The following OGDH variants were observed in gnomAD, a reference collection of about 807,000 sequenced individuals.
The protein encoded by OGDH is oxoglutarate dehydrogenase.
OGDH carries 38 observed loss-of-function variants against 116.6 expected under a neutral mutation model. The ratio of observed to expected loss-of-function variants is 0.33; its 90% CI spans 0.25 to 0.43. The LOEUF (loss-of-function observed/expected upper bound fraction) is 0.43. OGDH is among the 20% of genes least tolerant of loss of function. The probability of loss-of-function intolerance (pLI) is 1.00; values close to 1 mark genes in which losing one functional copy is unlikely to be tolerated. For missense variants in OGDH, 825 were observed against 1,357.2 expected (o/e 0.61, Z 6.16); for synonymous variants, 488 against 533.3 (o/e 0.92, Z 1.17).
intron 4 of OGDH, among the ~76,000 whole-genome samples, chr7:44,655,969 T>A (rs942943123): frequency 7.2e-5 from 11 of 152,218 alleles, no homozygotes; most frequent in South Asian, 4.1e-4. Context: ...AGTAGTGACT[T>A]CCCAGGAAAG....
chr7:44,629,581 T>C lies in OGDH; in HGVS notation c.222+5016T>C, dbSNP rs919986678. On this transcript the variant is annotated intron_variant, in intron 2 of 22. Transcript: ENST00000222673. Reference sequence around the variant, plus strand: ...TTCTTTCCTTTTTCTTTTTCTTTTCTTTTTTTTTTTTTTTTTTGAGACGAG... The same window carrying C: ...TTCTTTCCTTTTTCTTTTTCTTTTCCTTTTTTTTTTTTTTTTTGAGACGAG... Among the ~76,000 whole-genome samples the C allele has an allele frequency of 5.5e-4, 25 of 45,664 alleles. No homozygotes were observed. The South Asian group carries it at 0.014, about 25-fold the overall frequency. 30.0% of individuals were successfully genotyped at this position (45,664 alleles called of 152,430 possible). A position where few individuals can be genotyped will look rare whatever the true frequency, so the allele number is the denominator to read the frequency against.
intron 4 of OGDH, among the ~76,000 whole-genome samples, chr7:44,651,957 G>A (rs972001367): frequency 5.3e-5 from 8 of 152,032 alleles, no homozygotes; most frequent in African/African-American, 1.7e-4. Context: ...ACCTGCCTCC[G>A]CCTCCCAAAG....
intron 4 of OGDH, among the ~76,000 whole-genome samples, chr7:44,653,862 T>A (rs1343273436): frequency 6.6e-6 from 1 of 151,912 alleles, no homozygotes; most frequent in African/African-American, 2.4e-5. Context: ...TATTTTATTT[T>A]ATTTTTTTTT....
At chr7:44,635,329 TAGTA>T (rs1303462237) in intron 2 of OGDH, among the ~76,000 whole-genome samples, 3 of 152,172 alleles carry the variant, frequency 2.0e-5, no homozygotes, top group Non-Finnish European at 4.4e-5. Flanking sequence ...TGTCAGAACT[TAGTA>T]AGTGAGGTTG....
Position 44,698,063 on chromosome 7 carries a change from A to T in OGDH, c.2359-129A>T. 2.8e-6 allele frequency: 3 copies of T among 1,069,840 alleles called. No homozygotes were observed. The South Asian group carries it at 4.3e-5, about 15-fold the overall frequency. The allele number at this position is 1,069,840 out of a possible 1,614,324, so 66.3% of individuals were successfully genotyped here. ...AAGTGCTTTGCTGGTGGGAGGGGGA[A>T]GGAACTGAACCCTGCCATCAAGAAA... On this transcript the variant is annotated intron_variant, in intron 17 of 22. Transcript: ENST00000222673.
intron 1 of OGDH, among the ~76,000 whole-genome samples, chr7:44,618,223 TA>T (rs1784878147): frequency 1.3e-5 from 2 of 152,306 alleles, no homozygotes; most frequent in Non-Finnish European, 2.9e-5. Context: ...TCTTACACAT[TA>T]AAAAAATAAC....
In OGDH at chr7:44,697,059, A is replaced by C. The variant is rs778506387; in HGVS notation, c.2046A>C (p.Thr682=). ...RLSGQDVERG[T]FSHRHHVLHD... is the part of the protein sequence containing the mutation. ...GCGGCCAGGACGTGGAGCGGGGCAC[A>C]TTCAGGTAACGTTCTGGGCAGTTTT... Residue 682 remains threonine, a synonymous_variant, in exon 15 of 23, where the codon ACA becomes ACC. Coordinates refer to ENST00000222673, the MANE Select transcript of OGDH (RefSeq NM_002541.4). The surrounding 1 kb of genome is among the most constrained non-coding windows in gnomAD (Gnocchi z 6.0). 1.2e-6 allele frequency: 2 copies of C among 1,613,628 alleles called. No individual in the cohort carries two copies. Among genetic ancestry groups the C allele is most frequent in the Admixed American group, 3.3e-5 (2 of 59,998 alleles).
intron 2 of OGDH, among the ~76,000 whole-genome samples, chr7:44,631,834 C>T (rs1353353254): frequency 1.3e-5 from 2 of 151,886 alleles, no homozygotes; most frequent in East Asian, 1.9e-4. Context: ...TCTCCACCCC[C>T]TTCCCTCTTT....
intron 9 of OGDH, among the ~76,000 whole-genome samples, chr7:44,681,040 A>G (rs113640148): frequency 1.3e-3 from 203 of 152,362 alleles, no homozygotes; most frequent in African/African-American, 4.2e-3. Context: ...ATTTAGGAGT[A>G]ATCGAAACTG....
Position 44,707,266 on chromosome 7 carries a change from G to C in OGDH, c.2674G>C (p.Ala892Pro), listed in dbSNP as rs758962806. 2 of 1,614,258 alleles carry C rather than the reference G, an allele frequency of 1.2e-6. No individual in the cohort carries two copies. The highest frequency in any genetic ancestry group is 4.5e-5 in the East Asian group (2 of 44,884). Residue 892 changes from alanine (A) to proline (P), a missense_variant, in exon 21 of 23, where the codon GCT becomes CCT. By Grantham distance (27) the Ala-to-Pro change is conservative. This residue lies in a region of OGDH where 212 missense variants were observed against 284.3 expected (regional missense o/e 0.75). Coordinates refer to ENST00000222673, the MANE Select transcript of OGDH (RefSeq NM_002541.4). The surrounding 1 kb of genome is among the most constrained non-coding windows in gnomAD (Gnocchi z 5.2). The stretch of plus-strand genomic sequence containing the variant: ...GGTGATCCCAGAAGATGGCCCTGCA[G>C]CTCAGAACCCAGAAAATGTCAAAAG... ...QRVIPEDGPA[A>P]QNPENVKRLL... is the part of the protein sequence containing the mutation.
chr7:44,628,019 A>T (rs899792234), intron 2 of OGDH, among the ~76,000 whole-genome samples: 2 of 152,186 alleles, frequency 1.3e-5, no homozygotes, highest in Non-Finnish European at 2.9e-5. Flanking sequence ...GTTTCCAAGC[A>T]TACATAACAG....
At chr7:44,674,386 C>G in intron 6 of OGDH, 25 bp from the exon 7 acceptor site, 1 of 1,613,704 alleles carries the variant, frequency 6.2e-7, no homozygotes, top group Non-Finnish European at 8.5e-7. Context: ...CATTGCCCTT[C>G]AAGGTGGCTT....
intron 4 of OGDH, among the ~76,000 whole-genome samples, chr7:44,657,463 G>A (rs1295248118): frequency 6.6e-6 from 1 of 152,160 alleles, no homozygotes; most frequent in East Asian, 1.9e-4. Flanking sequence ...AGTATTCCAT[G>A]GTGTGGATGT....
intron 2 of OGDH, among the ~76,000 whole-genome samples, chr7:44,644,709 T>C (rs564860265): frequency 5.0e-4 from 76 of 152,214 alleles, no homozygotes; most frequent in Non-Finnish European, 8.8e-4. Flanking sequence ...AGCAATGATA[T>C]TATTTCTCTG....
At chr7:44,628,555 C>G (rs1186350255) in intron 2 of OGDH, among the ~76,000 whole-genome samples, 1 of 150,866 alleles carries the variant, frequency 6.6e-6, no homozygotes, top group Non-Finnish European at 1.5e-5. Context: ...GAGTTTGGGA[C>G]CAGCCTGGAC....
intron 10 of OGDH, among the ~76,000 whole-genome samples, chr7:44,688,241 C>T (rs1460303190): frequency 2.6e-5 from 4 of 151,644 alleles, no homozygotes; most frequent in Non-Finnish European, 5.9e-5. Context: ...CGTGGTGGCT[C>T]GTGCCTGTAA....
chr7:44,680,835 T>C (rs572764225), intron 9 of OGDH, among the ~76,000 whole-genome samples: 1 of 152,202 alleles, frequency 6.6e-6, no homozygotes, highest in Non-Finnish European at 1.5e-5. Flanking sequence ...AAGAGACCTG[T>C]CCCTGTTCAC....
chr7:44,668,445 CA>C (rs142889667), intron 5 of OGDH, among the ~76,000 whole-genome samples: 1 of 150,810 alleles, frequency 6.6e-6, no homozygotes, highest in Non-Finnish European at 1.5e-5. Flanking sequence ...CAAAAACAAA[CA>C]AAAAAAAACT....
At chr7:44,620,513 A>G (rs1157579798) in intron 1 of OGDH, among the ~76,000 whole-genome samples, 1 of 152,186 alleles carries the variant, frequency 6.6e-6, no homozygotes, top group East Asian at 1.9e-4. Context: ...TTTTGTTTGT[A>G]TATGTCTATG....
Sources: gnomAD v4.1 joint callset for allele counts (sites outside exome capture counted in the v4.1 genomes callset) on GRCh38, gnomAD v4.1.1 for gene constraint, gnomAD v4.1.1 regional missense constraint, Gnocchi (gnomAD v3.1) non-coding constraint, MANE v1.5 for transcripts, NCBI Gene and HGNC (gene_info 2026-07-23, HGNC 2026-07-21) for gene names.